Variants in FRMD3 observed in about 807,000 individuals in gnomAD.
FRMD3 encodes the protein FERM domain containing 3.
FRMD3 carries 33 observed loss-of-function variants against 70.2 expected under a neutral mutation model. The observed-to-expected ratio is 0.47, with a 90% CI of 0.36 to 0.63. The LOEUF is 0.63. Among genes scored for constraint, FRMD3 ranks in the 20% least tolerant of loss-of-function variants. The pLI is 0.00. For synonymous variants in FRMD3, 279 were observed against 255.9 expected (o/e 1.09, Z -0.86); for missense variants, 632 against 711.4 (o/e 0.89, Z 1.27).
intron 13 of FRMD3, among the ~76,000 whole-genome samples, chr9:83,286,445 C>T (rs1479887182): frequency 2.6e-5 from 4 of 152,050 alleles, no homozygotes; most frequent in Non-Finnish European, 4.4e-5. Flanking sequence ...AATTTTCCTG[C>T]TTCAGCCTCC....
intron 1 of FRMD3, among the ~76,000 whole-genome samples, chr9:83,417,139 A>G (rs975345527): frequency 5.9e-5 from 9 of 152,228 alleles, no homozygotes; most frequent in Admixed American, 1.3e-4. Context: ...TTTTGAGTTG[A>G]AAATATCATT....
At chr9:83,450,347 G>GTTTTTTTTTTTTTTTTTTTTTTTTT (rs763340189) in intron 1 of FRMD3, among the ~76,000 whole-genome samples, 1 of 111,600 alleles carries the variant, frequency 9.0e-6, no homozygotes. Flanking sequence ...GTCACCCTCA[G>GTTTTTTTTTTTTTTTTTTTTTTTTT]TTTTTTTTTT....
chr9:83,494,606 A>G (rs1286064847), intron 1 of FRMD3, among the ~76,000 whole-genome samples: 8 of 152,216 alleles, frequency 5.3e-5, no homozygotes, highest in Admixed American at 5.2e-4. Flanking sequence ...GAATGTTTTA[A>G]AATAGTTAAC....
At chr9:83,378,492 CATATAAAATTTATATATATAATAT>C in intron 2 of FRMD3, among the ~76,000 whole-genome samples, 1 of 126,050 alleles carries the variant, frequency 7.9e-6, no homozygotes, top group East Asian at 2.2e-4. Flanking sequence ...ATATAATATA[CATATAAAATTTATATATATAATAT>C]ACATATAAAA....
intron 12 of FRMD3, among the ~76,000 whole-genome samples, chr9:83,291,337 T>C (rs1159306900): frequency 6.6e-6 from 1 of 152,182 alleles, no homozygotes; most frequent in Non-Finnish European, 1.5e-5. Context: ...GCAAGGAAAC[T>C]GTGCAGGTAT....
intron 6 of FRMD3, among the ~76,000 whole-genome samples, chr9:83,332,978 A>G (rs1823440910): frequency 6.6e-6 from 1 of 152,136 alleles, no homozygotes; most frequent in South Asian, 2.1e-4. Context: ...TTCCTTACAC[A>G]AGACAGATAA....
intron 6 of FRMD3, among the ~76,000 whole-genome samples, chr9:83,326,898 T>C (rs1452358180): frequency 6.6e-6 from 1 of 152,248 alleles, no homozygotes; most frequent in Non-Finnish European, 1.5e-5. Context: ...TAGCTGTATG[T>C]CTCCCTTCTG....
At chr9:83,262,766 T>G (rs1234700121) in intron 13 of FRMD3, among the ~76,000 whole-genome samples, 2 of 152,138 alleles carry the variant, frequency 1.3e-5, no homozygotes, top group Non-Finnish European at 1.5e-5. Context: ...CTCTTACTCA[T>G]CCTCTAAGAC....
intron 13 of FRMD3, among the ~76,000 whole-genome samples, chr9:83,272,534 T>G (rs1299515857): frequency 1.3e-5 from 2 of 152,084 alleles, no homozygotes; most frequent in Admixed American, 6.5e-5. Context: ...CCACCCCCTC[T>G]GGGAAGTGAG....
chr9:83,442,280 C>CA (rs1827323076), intron 1 of FRMD3, among the ~76,000 whole-genome samples: 3 of 124,418 alleles, frequency 2.4e-5, no homozygotes, highest in Non-Finnish European at 3.2e-5. Context: ...TTTTTTGAGA[C>CA]AGAGTCTTGT....
Position 83,479,698 on chromosome 9 carries a change from A to C in FRMD3, c.147+58387T>G, listed in dbSNP as rs1372631381. 4.0e-5 allele frequency among the ~76,000 whole-genome samples: 3 copies of C among 74,348 alleles called. No homozygotes were observed. The East Asian group carries it at 8.7e-4, about 22-fold the overall frequency. 48.8% of individuals were successfully genotyped at this position (74,348 alleles called of 152,430 possible). ...AAAGAAAGAAAGAAAGAAAGAAAGA[A>C]AGAAAGAAAGAAAGAAAGAAAGAAA... On this transcript the variant is annotated intron_variant, in intron 1 of 13. Coordinates refer to ENST00000304195, the MANE Select transcript of FRMD3 (RefSeq NM_174938.6).
chr9:83,330,093 G>A (rs916517602), intron 6 of FRMD3, among the ~76,000 whole-genome samples: 7 of 152,128 alleles, frequency 4.6e-5, no homozygotes, highest in Non-Finnish European at 1.0e-4. Flanking sequence ...GGCGAGGCAT[G>A]GTGGCTCACA....
chr9:83,305,007 C>G (rs151035183), intron 10 of FRMD3, among the ~76,000 whole-genome samples: 1 of 152,228 alleles, frequency 6.6e-6, no homozygotes, highest in Non-Finnish European at 1.5e-5. Context: ...AGCGCATTTG[C>G]GTCCTAAAAG....
At chr9:83,580,277 C>A in the FRMD3 span, among the ~76,000 whole-genome samples, 8 of 152,076 alleles carry the variant, frequency 5.3e-5, no homozygotes, top group African/African-American at 1.9e-4. Flanking sequence ...ACTCTCATTT[C>A]TGGGAACATA....
chr9:83,319,057 G>T lies in FRMD3; in HGVS notation c.597-5310C>A, dbSNP rs890662571. Reference sequence around the variant, plus strand: ...AATTCCAGATATTAGCCCTTTGTCAGACCCATAGTTTGCAAGTATTTTTCC... The same window carrying T: ...AATTCCAGATATTAGCCCTTTGTCATACCCATAGTTTGCAAGTATTTTTCC... On this transcript the variant is annotated intron_variant, in intron 6 of 13. Transcript: ENST00000304195. Among the ~76,000 whole-genome samples, 3 of 152,108 alleles carry T rather than the reference G, an allele frequency of 2.0e-5. No homozygotes were observed. The East Asian group carries it at 5.8e-4, about 29-fold the overall frequency.
At chr9:83,455,087 A>T (rs1827780412) in intron 1 of FRMD3, among the ~76,000 whole-genome samples, 1 of 152,224 alleles carries the variant, frequency 6.6e-6, no homozygotes, top group South Asian at 2.1e-4. Flanking sequence ...TTAATTATGC[A>T]ATGTTTGAAA....
intron 10 of FRMD3, among the ~76,000 whole-genome samples, chr9:83,309,288 A>ACACACACACACG (rs1323046246): frequency 6.6e-6 from 1 of 151,582 alleles, no homozygotes; most frequent in African/African-American, 2.4e-5. Context: ...ACACACACAC[A>ACACACACACACG]CACACACACA....
At chr9:83,563,850 A>G in the FRMD3 span, among the ~76,000 whole-genome samples, 2 of 152,148 alleles carry the variant, frequency 1.3e-5, no homozygotes, top group African/African-American at 4.8e-5. Flanking sequence ...GAGTACTCTC[A>G]CCTGCATTAC....
intron 1 of FRMD3, among the ~76,000 whole-genome samples, chr9:83,515,657 C>T (rs1329931743): frequency 6.6e-6 from 1 of 152,102 alleles, no homozygotes; most frequent in African/African-American, 2.4e-5. Flanking sequence ...AACCCCAAGA[C>T]ACATAATCTT....
Sources: allele counts gnomAD v4.1 joint callset (sites outside exome capture counted in the v4.1 genomes callset), GRCh38; gene constraint gnomAD v4.1.1; transcripts MANE v1.5; gene names NCBI Gene and HGNC (gene_info 2026-07-23, HGNC 2026-07-21).